The following TEKT1 variants were observed in gnomAD, a reference collection of about 807,000 sequenced individuals.
The protein encoded by TEKT1 is tektin 1, also known as tektin-1.
A neutral mutation model predicts 34.8 loss-of-function variants in TEKT1; 32 were observed. The observed-to-expected ratio is 0.92, with a 90% CI of 0.69 to 1.23. The LOEUF (loss-of-function observed/expected upper bound fraction) is 1.23, where lower values mean the gene tolerates loss of function less well. Among genes scored for constraint, TEKT1 ranks in the 50% most tolerant of loss-of-function variants. The pLI is 0.00. For missense variants in TEKT1, 492 were observed against 518.5 expected, an observed-to-expected ratio of 0.95 and a Z score of 0.50; for synonymous variants, 207 against 199.8, an observed-to-expected ratio of 1.04 and a Z score of -0.30.
intron 3 of TEKT1, among the ~76,000 whole-genome samples, chr17:6,818,014 C>G (rs1977029582): frequency 6.6e-6 from 1 of 152,098 alleles, no homozygotes; most frequent in Non-Finnish European, 1.5e-5. Context: ...GCAACGGGTC[C>G]TGTTTAAGCT....
At chr17:6,817,070 A>G (rs1477196075) in intron 3 of TEKT1, among the ~76,000 whole-genome samples, 1 of 152,220 alleles carries the variant, frequency 6.6e-6, no homozygotes, top group African/African-American at 2.4e-5. Context: ...TTAGACAAAC[A>G]ATTGAACATA....
chr17:6,808,273 G>A (rs1026393225), intron 6 of TEKT1, among the ~76,000 whole-genome samples: 19 of 152,196 alleles, frequency 1.2e-4, no homozygotes, highest in African/African-American at 9.6e-5. Context: ...AGCCATGTGC[G>A]GGATATAATC....
At position 6,799,745 on chromosome 17, in the gene TEKT1, A is replaced by C. The variant is rs1391871098; in HGVS notation, c.*282T>G. ...CAGCCCAACTACTTTATTGAATTGA[A>C]TCTGAACTGAAATGTCTTGAAACCC... On this transcript the variant is annotated 3_prime_UTR_variant, in exon 8 of 8. Transcript: ENST00000338694. 3.0e-5 allele frequency: 9 copies of C among 302,564 alleles called. No individual in the cohort carries two copies. The highest frequency in any genetic ancestry group is 5.5e-5 in the Non-Finnish European group (9 of 164,674). The allele number at this position is 302,564 out of a possible 1,614,324, so 18.7% of individuals were successfully genotyped here. A position where few individuals can be genotyped will look rare whatever the true frequency, so the allele number is the denominator to read the frequency against.
At chr17:6,809,987 C>T (rs1976905014) in intron 6 of TEKT1, among the ~76,000 whole-genome samples, 1 of 152,154 alleles carries the variant, frequency 6.6e-6, no homozygotes, top group Non-Finnish European at 1.5e-5. Flanking sequence ...AAGTTTTCAG[C>T]CCATCTGGGC....
At chr17:6,802,190 A>G (rs1005456440) in intron 6 of TEKT1, among the ~76,000 whole-genome samples, 29 of 152,178 alleles carry the variant, frequency 1.9e-4, no homozygotes, top group Admixed American at 9.8e-4. Flanking sequence ...TTACATCCCA[A>G]TGAGGTCCAG....
intron 3 of TEKT1, among the ~76,000 whole-genome samples, chr17:6,818,498 G>A (rs538028373): frequency 7.9e-5 from 12 of 152,166 alleles, no homozygotes; most frequent in Admixed American, 7.2e-4. Context: ...AAGTGCTTCC[G>A]TGTGGCTCTG....
At chr17:6,827,979 C>T (rs755957776) in intron 2 of TEKT1, among the ~76,000 whole-genome samples, 10 of 144,652 alleles carry the variant, frequency 6.9e-5, no homozygotes, top group Admixed American at 2.0e-4. Context: ...GAGTCTCACC[C>T]TGTCACCCAG....
At chr17:6,813,637 C>A (rs1382352246) in intron 5 of TEKT1, among the ~76,000 whole-genome samples, 1 of 150,052 alleles carries the variant, frequency 6.7e-6, no homozygotes, top group East Asian at 1.9e-4. Flanking sequence ...GCAAAACCAA[C>A]CTATTACAAG....
At chr17:6,810,993 T>C (rs981009042) in intron 6 of TEKT1, among the ~76,000 whole-genome samples, 18 of 152,192 alleles carry the variant, frequency 1.2e-4, no homozygotes, top group Non-Finnish European at 2.1e-4. Context: ...CCACCCACCT[T>C]GGCCTCCCAA....
Position 6,815,864 on chromosome 17 carries a change from C to G in TEKT1, c.455G>C (p.Arg152Pro). The G allele has an allele frequency of 1.2e-6, 2 of 1,614,192 alleles. No homozygotes were observed. The highest frequency in any genetic ancestry group is 1.7e-6 in the Non-Finnish European group (2 of 1,180,040). ...IIQGIMALLT[R>P]TLEEASEQIR... ...CTGCTCGGAAGCCTCCTCCAAGGTA[C>G]GGGTCAGCAGAGCCATAATGCCCTG... Residue 152 changes from arginine to proline, a missense_variant, in exon 4 of 8, where the codon CGT becomes CCT. Physicochemically the swap from Arg to Pro is moderately radical, Grantham distance 103. Transcript: ENST00000338694.
chr17:6,804,385 A>G (rs1449230770), intron 6 of TEKT1, among the ~76,000 whole-genome samples: 1 of 151,866 alleles, frequency 6.6e-6, no homozygotes, highest in East Asian at 1.9e-4. Context: ...TTTTCTAGAT[A>G]TACAATCATG....
chr17:6,819,326 T>C lies in TEKT1; in HGVS notation c.223A>G (p.Lys75Glu). 1 of 1,614,040 alleles carries C rather than the reference T, an allele frequency of 6.2e-7. No homozygotes were observed. Among genetic ancestry groups the C allele is most frequent in the Non-Finnish European group, 8.5e-7 (1 of 1,179,950 alleles). The change falls in exon 3 of 8, where the codon AAG (lysine) becomes GAG (glutamate). Residue 75 changes from lysine to glutamate, a missense_variant. Coordinates refer to ENST00000338694, the MANE Select transcript of TEKT1 (RefSeq NM_053285.2). ...QRLEEVQFWKKELDDKLEQLV... is the reference protein window; with the variant it reads ...QRLEEVQFWKEELDDKLEQLV... ...TGCTCAAGTTTGTCATCTAACTCCT[T>C]CTTCCAGAACTGGACTTCCTCGAGT...
intron 2 of TEKT1, among the ~76,000 whole-genome samples, chr17:6,829,685 C>T (rs1904509904): frequency 6.6e-6 from 1 of 152,048 alleles, no homozygotes; most frequent in Non-Finnish European, 1.5e-5. Context: ...CTTATAATAC[C>T]TAATACAATG....
At chr17:6,813,086 T>C (rs780744770) in intron 5 of TEKT1, 33 bp from the exon 6 acceptor site, 25 of 1,586,460 alleles carry the variant, frequency 1.6e-5, no homozygotes, top group Middle Eastern at 1.7e-4. Flanking sequence ...ATTCACAGCA[T>C]ATTTGGGGTG....
rs1976743610 is a variant in TEKT1 at position 6,799,971 on chromosome 17, C to G, written c.*56G>C. 1 of 1,525,790 alleles carries G rather than the reference C, an allele frequency of 6.6e-7. No individual in the cohort carries two copies. Among genetic ancestry groups the G allele is most frequent in the South Asian group, 1.2e-5 (1 of 82,024 alleles). 94.5% of individuals were successfully genotyped at this position (1,525,790 alleles called of 1,614,324 possible). On this transcript the variant is annotated 3_prime_UTR_variant, in exon 8 of 8. Coordinates refer to ENST00000338694, the MANE Select transcript of TEKT1 (RefSeq NM_053285.2). ...GCCAGCCTGAAATGAGAGCTCTGTA[C>G]TACTGTAACTACTGTTTACAATGTG...
chr17:6,830,899 T>C (rs1904556457), intron 1 of TEKT1, among the ~76,000 whole-genome samples: 1 of 152,164 alleles, frequency 6.6e-6, no homozygotes, highest in Non-Finnish European at 1.5e-5. Flanking sequence ...TACATGTCTT[T>C]TGGTGAACAC....
rs1433026999 is a variant in TEKT1 at position 6,799,371 on chromosome 17, T to C, written c.*656A>G. 6.6e-6 allele frequency: 1 copy of C among 152,152 alleles called. No individual in the cohort carries two copies. Among genetic ancestry groups the C allele is most frequent in the Non-Finnish European group, 1.5e-5 (1 of 68,020 alleles). The allele number at this position is 152,152 out of a possible 1,614,324, so 9.4% of individuals were successfully genotyped here. On this transcript the variant is annotated 3_prime_UTR_variant, in exon 8 of 8. Coordinates refer to ENST00000338694, the MANE Select transcript of TEKT1 (RefSeq NM_053285.2). ...GTGCAGAAATTATGTTGGTATAGGGTGGGACTGCTCACAATGGCTCACATT... is the reference window on the plus strand; with the variant it reads ...GTGCAGAAATTATGTTGGTATAGGGCGGGACTGCTCACAATGGCTCACATT...
chr17:6,819,101 G>A (rs1437969033), intron 3 of TEKT1, 92 bp downstream of exon 3: 2 of 1,475,118 alleles, frequency 1.4e-6, no homozygotes, highest in South Asian at 2.6e-5. Context: ...CAAGTGCTGT[G>A]TTCTAACTCA....
chr17:6,800,651 G>A, intron 7 of TEKT1, 96 bp downstream of exon 7: 5 of 1,407,708 alleles, frequency 3.6e-6, no homozygotes, highest in Non-Finnish European at 3.9e-6. Flanking sequence ...GAGCAGGCTG[G>A]CTTCATTCAC....
Sources: gnomAD v4.1 joint callset for allele counts (sites outside exome capture counted in the v4.1 genomes callset) on GRCh38, gnomAD v4.1.1 for gene constraint, MANE v1.5 for transcripts, NCBI Gene and HGNC (gene_info 2026-07-23, HGNC 2026-07-21) for gene names.